The following L3MBTL4 variants were observed in gnomAD, a reference collection of about 807,000 sequenced individuals.
L3MBTL4 encodes L3MBTL histone methyl-lysine binding protein 4.
In L3MBTL4, 70 loss-of-function variants were observed where a neutral mutation model predicts 84.5. That is an observed-to-expected ratio of 0.83 (90% CI 0.68 to 1.01). L3MBTL4 has a LOEUF of 1.01. Among genes scored for constraint, L3MBTL4 ranks in the 50% least tolerant of loss-of-function variants. The pLI is 0.00. For synonymous variants in L3MBTL4, 274 were observed against 259.8 expected (o/e 1.05, Z -0.52); for missense variants, 715 against 754.8 (o/e 0.95, Z 0.62).
intron 12 of L3MBTL4, among the ~76,000 whole-genome samples, chr18:6,192,474 G>T (rs1404716009): frequency 6.6e-6 from 1 of 152,054 alleles, no homozygotes; most frequent in Non-Finnish European, 1.5e-5. Flanking sequence ...GCAGGCAGGT[G>T]CAGCGGGTGG....
chr18:6,306,618 A>G (rs1458418720), intron 3 of L3MBTL4, among the ~76,000 whole-genome samples: 1 of 152,218 alleles, frequency 6.6e-6, no homozygotes, highest in Non-Finnish European at 1.5e-5. Context: ...GAGTTCAACC[A>G]TGGCCTTTGA....
At chr18:6,404,561 G>C (rs953845812) in intron 1 of L3MBTL4, among the ~76,000 whole-genome samples, 2 of 152,216 alleles carry the variant, frequency 1.3e-5, no homozygotes, top group Non-Finnish European at 2.9e-5. Flanking sequence ...TGCTAGTCCT[G>C]TGCTTTTATT....
chr18:6,120,097 C>G (rs1050163295), intron 14 of L3MBTL4, among the ~76,000 whole-genome samples: 11 of 152,224 alleles, frequency 7.2e-5, no homozygotes, highest in South Asian at 4.1e-4. Flanking sequence ...GGGCCTGAAA[C>G]AGCACAGATG....
chr18:5,984,049 C>A (rs2053357087), intron 16 of L3MBTL4, among the ~76,000 whole-genome samples: 1 of 152,052 alleles, frequency 6.6e-6, no homozygotes, highest in Admixed American at 6.5e-5. Flanking sequence ...GTAGCTGGGA[C>A]TACAGGTGCA....
intron 17 of L3MBTL4, among the ~76,000 whole-genome samples, chr18:5,962,646 G>C (rs374651019): frequency 6.6e-6 from 1 of 152,146 alleles, no homozygotes; most frequent in African/African-American, 2.4e-5. Flanking sequence ...CAAGCACTGG[G>C]TAGATATTTT....
chr18:6,363,117 C>G (rs2144051296), intron 1 of L3MBTL4, among the ~76,000 whole-genome samples: 1 of 152,334 alleles, frequency 6.6e-6, no homozygotes, highest in East Asian at 1.9e-4. Context: ...AGACATTCTT[C>G]TATTCCTAGT....
intron 1 of L3MBTL4, among the ~76,000 whole-genome samples, chr18:6,372,660 G>A (rs2054202403): frequency 6.6e-6 from 1 of 152,142 alleles, no homozygotes; most frequent in Non-Finnish European, 1.5e-5. Context: ...AATCCAGTAA[G>A]TGCCCCCTTT....
At chr18:6,229,388 T>C (rs1002052255) in intron 10 of L3MBTL4, among the ~76,000 whole-genome samples, 1 of 152,202 alleles carries the variant, frequency 6.6e-6, no homozygotes, top group African/African-American at 2.4e-5. Flanking sequence ...CCTTATCAGA[T>C]ATATGATATG....
intron 16 of L3MBTL4, among the ~76,000 whole-genome samples, chr18:6,000,936 A>G (rs1412751523): frequency 6.6e-6 from 1 of 152,236 alleles, no homozygotes; most frequent in African/African-American, 2.4e-5. Flanking sequence ...TGATAGAACT[A>G]TTTTGGATCT....
intron 10 of L3MBTL4, among the ~76,000 whole-genome samples, 197 bp from the exon 11 acceptor site, chr18:6,216,032 G>T (rs148349137): frequency 6.6e-6 from 1 of 152,136 alleles, no homozygotes; most frequent in South Asian, 2.1e-4. Flanking sequence ...CTGCACTCAA[G>T]CACTTACTCC....
At chr18:6,400,070 T>A (rs1271729367) in intron 1 of L3MBTL4, among the ~76,000 whole-genome samples, 1 of 152,170 alleles carries the variant, frequency 6.6e-6, no homozygotes, top group African/African-American at 2.4e-5. Context: ...CAAAACAAGC[T>A]TTTACAAATA....
intron 10 of L3MBTL4, among the ~76,000 whole-genome samples, chr18:6,237,558 C>T (rs2047266462): frequency 6.8e-6 from 1 of 147,532 alleles, no homozygotes; most frequent in Non-Finnish European, 1.5e-5. Flanking sequence ...CAGGTTCAAG[C>T]AATTCTCCTG....
At chr18:6,032,518 T>C (rs1568008436) in intron 16 of L3MBTL4, among the ~76,000 whole-genome samples, 1 of 151,954 alleles carries the variant, frequency 6.6e-6, no homozygotes, top group Non-Finnish European at 1.5e-5. Context: ...ACTGTACTGT[T>C]GAATTGTTTT....
chr18:6,165,714 C>A (rs2043615223), intron 13 of L3MBTL4, among the ~76,000 whole-genome samples: 1 of 152,156 alleles, frequency 6.6e-6, no homozygotes. Flanking sequence ...TGGTACCAAC[C>A]ACTGCAAAAA....
At chr18:6,197,290 T>G (rs916776604) in intron 12 of L3MBTL4, among the ~76,000 whole-genome samples, 1 of 152,128 alleles carries the variant, frequency 6.6e-6, no homozygotes, top group Non-Finnish European at 1.5e-5. Flanking sequence ...CAGGCCCCAG[T>G]GTGTGTTGTT....
chr18:6,060,174 T>A (rs982466332), intron 16 of L3MBTL4, among the ~76,000 whole-genome samples: 2 of 152,156 alleles, frequency 1.3e-5, no homozygotes, highest in Admixed American at 6.5e-5. Context: ...CATTATGCCA[T>A]CAGTTTCTTT....
chr18:6,005,851 C>A (rs2054455518), intron 16 of L3MBTL4, among the ~76,000 whole-genome samples: 1 of 152,002 alleles, frequency 6.6e-6, no homozygotes, highest in Non-Finnish European at 1.5e-5. Context: ...TGGGTATGTA[C>A]CTGAAAATGG....
intron 3 of L3MBTL4, among the ~76,000 whole-genome samples, chr18:6,311,118 G>GTC (rs368782025): frequency 2.6e-5 from 4 of 151,558 alleles, no homozygotes; most frequent in South Asian, 2.1e-4. Flanking sequence ...TTTAAGATAA[G>GTC]TCTCTCTCTC....
rs371613058 is a variant in L3MBTL4 at position 6,375,234 on chromosome 18, T to C, written c.-91+39567A>G. Among the ~76,000 whole-genome samples, 5 of 152,116 alleles carry C rather than the reference T, an allele frequency of 3.3e-5. No homozygotes were observed. The East Asian group carries it at 9.7e-4, about 30-fold the overall frequency. The stretch of plus-strand genomic sequence containing the variant: ...TTACTGTCCATATGTGGACCTAAAA[T>C]GCCTCTACGGCTTGGCTCTCTCTCC... On this transcript the variant is annotated intron_variant, in intron 1 of 18. Transcript: ENST00000317931.
Sources: allele counts gnomAD v4.1 joint callset (sites outside exome capture counted in the v4.1 genomes callset), GRCh38; gene constraint gnomAD v4.1.1; transcripts MANE v1.5; gene names NCBI Gene and HGNC (gene_info 2026-07-23, HGNC 2026-07-21).